The following SLC7A13 variants were observed in gnomAD, a reference collection of about 807,000 sequenced individuals.
SLC7A13 encodes the protein X-amino acid transporter 2.
SLC7A13 carries 31 observed loss-of-function variants against 32.0 expected under a neutral mutation model. The ratio of observed to expected loss-of-function variants is 0.97; its 90% CI spans 0.73 to 1.31. The LOEUF is 1.31. SLC7A13 is among the 50% of genes most tolerant of loss of function. SLC7A13 has a pLI of 0.00. For missense variants in SLC7A13, 633 were observed against 546.9 expected (o/e 1.16, Z -1.57); for synonymous variants, 232 against 206.9 (o/e 1.12, Z -1.04).
Position 86,230,227 on chromosome 8 carries a change from C to T in SLC7A13, c.51G>A (p.Trp17Ter). ...TATTAATAAGCAAAAAACTTGTGCC[C>T]CACCAATATCCAAACACTCTCTTGA... ...IQLKRVFGYW[W>*]GTSFLLINII... The change falls in exon 1 of 4, where the codon TGG (tryptophan) becomes TGA (stop). Residue 17 changes from tryptophan to a stop codon, truncating the protein, a stop_gained. Transcript: ENST00000297524. LOFTEE classifies it high-confidence loss of function. The T allele has an allele frequency of 1.2e-6, 2 of 1,612,980 alleles. No homozygotes were observed. The highest frequency in any genetic ancestry group is 1.7e-6 in the Non-Finnish European group (2 of 1,179,484).
At chr8:86,222,272 G>A (rs1486643785) in intron 2 of SLC7A13, among the ~76,000 whole-genome samples, 2 of 152,054 alleles carry the variant, frequency 1.3e-5, no homozygotes, top group African/African-American at 2.4e-5. Context: ...GTTTAATGCT[G>A]GCTTGAGGAA....
In SLC7A13 at chr8:86,217,601, C is replaced by G; in HGVS notation, c.1048G>C (p.Ala350Pro). ...TCAATTAGACTTGTTAAGATAATTG[C>G]AAGGGATCCCAAAGTGACAAGTAGT... ...VLLLVTLGSL[A>P]IILTSLIDLI... Residue 350 changes from alanine to proline, a missense_variant, in exon 3 of 4, where the codon GCA becomes CCA. Physicochemically the swap from Ala to Pro is conservative, Grantham distance 27. Transcript: ENST00000297524. The G allele has an allele frequency of 6.2e-7, 1 of 1,613,230 alleles. No homozygotes were observed. Among genetic ancestry groups the G allele is most frequent in the South Asian group, 1.1e-5 (1 of 91,006 alleles).
intron 3 of SLC7A13, among the ~76,000 whole-genome samples, chr8:86,216,224 G>C (rs1293284179): frequency 6.6e-6 from 1 of 152,160 alleles, no homozygotes; most frequent in African/African-American, 2.4e-5. Context: ...CAAAAGACAT[G>C]TTAAAAAGAT....
In SLC7A13 at chr8:86,217,030, A is replaced by G. The variant is rs1344083876; in HGVS notation, c.1179+440T>C. Reference sequence around the variant, plus strand: ...ACTGAAAGTCAGTTTAAAATAAGTAAAGTTGAAAAGATGTAATTTGCCAAC... The same window carrying G: ...ACTGAAAGTCAGTTTAAAATAAGTAGAGTTGAAAAGATGTAATTTGCCAAC... On this transcript the variant is annotated intron_variant, in intron 3 of 3. Coordinates refer to ENST00000297524, the MANE Select transcript of SLC7A13 (RefSeq NM_138817.3). Among the ~76,000 whole-genome samples the G allele has an allele frequency of 2.6e-5, 4 of 152,230 alleles. No individual in the cohort carries two copies. The East Asian group carries it at 7.7e-4, about 29-fold the overall frequency.
chr8:86,218,140 A>ACATC (rs765409665), intron 2 of SLC7A13, among the ~76,000 whole-genome samples: 7 of 152,184 alleles, frequency 4.6e-5, no homozygotes, highest in African/African-American at 1.7e-4. Context: ...TCTGTGACAG[A>ACATC]CATCCAGTAG....
chr8:86,226,265 T>G (rs2954344), intron 1 of SLC7A13, among the ~76,000 whole-genome samples: 19,827 of 152,170 alleles, frequency 0.13, 1,406 homozygotes, highest in Non-Finnish European at 0.15. Context: ...CAAGAAACAA[T>G]GAGATTTGCT....
chr8:86,214,560 A>G lies in SLC7A13; in HGVS notation c.1266T>C (p.Tyr422=). The change falls in exon 4 of 4, where the codon TAT becomes TAC. Residue 422 remains tyrosine (Y), a synonymous_variant. Transcript: ENST00000297524. ...TGAGAACTAACAGAAGCACGTAGAC[A>G]TAATGCACATTTGGAGACTTTACCA... ...IPLVKSPNVH[Y]VYVLLLVLSG... 1 of 1,613,812 alleles carries G rather than the reference A, an allele frequency of 6.2e-7. No individual in the cohort carries two copies. The highest frequency in any genetic ancestry group is 1.7e-4 in the Middle Eastern group (1 of 6,058).
At chr8:86,224,742 G>A (rs1330156366) in intron 1 of SLC7A13, among the ~76,000 whole-genome samples, 1 of 152,084 alleles carries the variant, frequency 6.6e-6, no homozygotes, top group East Asian at 1.9e-4. Flanking sequence ...CCGATCCACT[G>A]GAAGCCAATG....
chr8:86,229,750 T>A lies in SLC7A13; in HGVS notation c.528A>T (p.Leu176=). Reference sequence around the variant, plus strand: ...CTCTTATCAGGAACACTACTCCAGTTAGGGAAATGAAGCTAAGTATGGACA... The same window carrying A: ...CTCTTATCAGGAACACTACTCCAGTAAGGGAAATGAAGCTAAGTATGGACA... ...LKVSILSFIS[L]TGVVFLIRGK... Residue 176 remains leucine, a synonymous_variant, in exon 1 of 4, where the codon CTA becomes CTT. Coordinates refer to ENST00000297524, the MANE Select transcript of SLC7A13 (RefSeq NM_138817.3). The A allele has an allele frequency of 4.3e-6, 7 of 1,614,196 alleles. No homozygotes were observed. Among genetic ancestry groups the A allele is most frequent in the Non-Finnish European group, 5.9e-6 (7 of 1,180,020 alleles).
chr8:86,229,119 A>AGG (rs1179447381), intron 1 of SLC7A13, among the ~76,000 whole-genome samples: 1 of 152,186 alleles, frequency 6.6e-6, no homozygotes, highest in Non-Finnish European at 1.5e-5. Flanking sequence ...AATTTGTATT[A>AGG]TTACATTCAT....
intron 2 of SLC7A13, among the ~76,000 whole-genome samples, chr8:86,222,606 C>T (rs372415599): frequency 2.6e-4 from 40 of 152,154 alleles, no homozygotes; most frequent in African/African-American, 9.4e-4. Context: ...TTTTTTGTGA[C>T]ACCTAGAAAA....
At chr8:86,228,846 CAA>C (rs756084961) in intron 1 of SLC7A13, among the ~76,000 whole-genome samples, 3 of 138,474 alleles carry the variant, frequency 2.2e-5, no homozygotes, top group South Asian at 2.3e-4. Flanking sequence ...AACTCTGTCT[CAA>C]AAAAAAAAAA....
chr8:86,218,536 C>A (rs1820233932), intron 2 of SLC7A13, among the ~76,000 whole-genome samples: 1 of 151,898 alleles, frequency 6.6e-6, no homozygotes, highest in African/African-American at 2.4e-5. Context: ...TGAGTAGAGG[C>A]CAAGGATGTT....
At chr8:86,220,194 T>C (rs918452185) in intron 2 of SLC7A13, among the ~76,000 whole-genome samples, 13 of 152,098 alleles carry the variant, frequency 8.5e-5, no homozygotes, top group Admixed American at 5.9e-4. Flanking sequence ...GATTATCTGA[T>C]CCTATGCCAA....
chr8:86,223,914 A>T (rs1230409444), intron 1 of SLC7A13, among the ~76,000 whole-genome samples: 1 of 152,072 alleles, frequency 6.6e-6, no homozygotes, highest in Non-Finnish European at 1.5e-5. Flanking sequence ...AAAATTTCTG[A>T]AGATAGACTT....
Position 86,229,636 on chromosome 8 carries a change from T to G in SLC7A13, c.642A>C (p.Gly214=), listed in dbSNP as rs151019137. The change falls in exon 1 of 4, where the codon GGA becomes GGC. Residue 214 remains glycine (G), a synonymous_variant. Transcript: ENST00000297524. ...ISHLIQAIFQ[G]YFAYSGGACF... ...ATGCCCCGCCTGAATATGCAAAATA[T>G]CCTTGGAAGATGGCTTGTATAAGGT... 2 of 1,613,970 alleles carry G rather than the reference T, an allele frequency of 1.2e-6. No individual in the cohort carries two copies. The highest frequency in any genetic ancestry group is 1.7e-6 in the Non-Finnish European group (2 of 1,180,038).
At position 86,214,510 on chromosome 8, in the gene SLC7A13, A is replaced by G; in HGVS notation, c.1316T>C (p.Leu439Ser). 6.2e-7 allele frequency: 1 copy of G among 1,612,480 alleles called. No homozygotes were observed. The highest frequency in any genetic ancestry group is 2.2e-5 in the East Asian group (1 of 44,754). Residue 439 changes from leucine to serine, a missense_variant, in exon 4 of 4, where the codon TTA (leucine) becomes TCA (serine). Transcript: ENST00000297524. ...AGCCAATCTTATTTTAAAATGTATTAAAGGTATGTAAAATAGTAATCCGCT... is the reference window on the plus strand; with the variant it reads ...AGCCAATCTTATTTTAAAATGTATTGAAGGTATGTAAAATAGTAATCCGCT... ...VLSGLLFYIP[L>S]IHFKIRLAWF... is the part of the protein sequence containing the mutation.
intron 2 of SLC7A13, among the ~76,000 whole-genome samples, chr8:86,218,941 AC>A (rs1820241701): frequency 6.6e-6 from 1 of 152,152 alleles, no homozygotes; most frequent in Admixed American, 6.6e-5. Flanking sequence ...TACTTTTGGG[AC>A]ATCAACATAC....
Position 86,214,646 on chromosome 8 carries a change from C to A in SLC7A13, c.1180G>T (p.Val394Leu), listed in dbSNP as rs1286347778. Residue 394 changes from valine (V) to leucine (L), a missense_variant and splice_region_variant, in exon 4 of 4, where the codon GTG becomes TTG. Physicochemically the swap from Val to Leu is conservative, Grantham distance 32 (BLOSUM62 1). Transcript: ENST00000297524. ...QEPNLSIPYK[V>L]FLSFPLATIV... The stretch of plus-strand genomic sequence containing the variant: ...GTTGCTAATGGAAATGACAAAAACA[C>A]CTGAAAAGAGCAAAGTTTGAAAAAA... 1.3e-6 allele frequency: 2 copies of A among 1,598,564 alleles called. No homozygotes were observed. The highest frequency in any genetic ancestry group is 1.7e-5 in the Admixed American group (1 of 57,170).
Sources: gnomAD v4.1 joint callset for allele counts (sites outside exome capture counted in the v4.1 genomes callset) on GRCh38, gnomAD v4.1.1 for gene constraint, MANE v1.5 for transcripts, NCBI Gene and HGNC (gene_info 2026-07-23, HGNC 2026-07-21) for gene names.